The following RFX6 variants were observed in gnomAD, a reference collection of about 807,000 sequenced individuals.
RFX6 encodes regulatory factor X6.
A neutral mutation model predicts 110.8 loss-of-function variants in RFX6; 50 were observed. That is an observed-to-expected ratio of 0.45 (90% CI 0.36 to 0.57). The LOEUF (loss-of-function observed/expected upper bound fraction) is 0.57. Ranked by LOEUF, RFX6 falls within the 20% of genes least tolerant of loss-of-function variation. RFX6 has a pLI of 0.00. For synonymous variants in RFX6, 383 were observed against 411.2 expected, an observed-to-expected ratio of 0.93 and a Z score of 0.83; for missense variants, 990 against 1,127.0, an observed-to-expected ratio of 0.88 and a Z score of 1.74.
chr6:116,895,344 A>G (rs1774920815), intron 6 of RFX6, 137 bp downstream of exon 6: 2 of 563,682 alleles, frequency 3.5e-6, no homozygotes, highest in Admixed American at 2.9e-5. Flanking sequence ...AGGACTTCAG[A>G]TACAGCTCAA....
chr6:116,931,198 A>G (rs185645336), intron 18 of RFX6, 133 bp from the exon 19 acceptor site: 29 of 750,564 alleles, frequency 3.9e-5, no homozygotes, highest in Middle Eastern at 3.6e-4. Flanking sequence ...CTGGTAAACC[A>G]TACAGACTCA....
chr6:116,931,539 A>T lies in RFX6; in HGVS notation c.*33A>T, dbSNP rs759318465. On this transcript the variant is annotated 3_prime_UTR_variant, in exon 19 of 19. Transcript: ENST00000332958. ...ATGTGGGAGGGGGTGCTAAAACTTT[A>T]AAAAAAATCTCTACTGTGCAAATAT... 6.7e-6 allele frequency: 10 copies of T among 1,494,414 alleles called. No homozygotes were observed. The highest frequency in any genetic ancestry group is 8.3e-6 in the Non-Finnish European group (9 of 1,081,002). The allele number at this position is 1,494,414 out of a possible 1,614,324, so 92.6% of individuals were successfully genotyped here.
At position 116,922,018 on chromosome 6, in the gene RFX6, CTTTT is replaced by C. The variant is rs77230084; in HGVS notation, c.1328-13_1328-10del. The C allele has an allele frequency of 1.5e-5, 13 of 883,570 alleles. No homozygotes were observed. The highest frequency in any genetic ancestry group is 5.2e-5 in the East Asian group (2 of 38,784). 54.7% of individuals were successfully genotyped at this position (883,570 alleles called of 1,614,324 possible). A position where few individuals can be genotyped will look rare whatever the true frequency, so the allele number is the denominator to read the frequency against. On this transcript the variant is annotated intron_variant, in intron 12 of 18. Coordinates refer to ENST00000332958, the MANE Select transcript of RFX6 (RefSeq NM_173560.4). ...TACAATATTCTGTTTTCTTTTCTTTCTTTTTTTTTTTTTTCCTGGGTAGATGACT... is the reference window on the plus strand; with the variant it reads ...TACAATATTCTGTTTTCTTTTCTTTCTTTTTTTTTTCCTGGGTAGATGACT...
At chr6:116,899,112 C>T (rs73765884) in intron 6 of RFX6, among the ~76,000 whole-genome samples, 187 of 151,822 alleles carry the variant, frequency 1.2e-3, no homozygotes, top group African/African-American at 4.3e-3. Flanking sequence ...ATGGCATGAG[C>T]CAGAAGAAAT....
chr6:116,906,274 C>A (rs1266531617), intron 6 of RFX6, among the ~76,000 whole-genome samples: 1 of 152,122 alleles, frequency 6.6e-6, no homozygotes, highest in Non-Finnish European at 1.5e-5. Context: ...ATTACTGTAA[C>A]TTTATAGTAC....
Position 116,932,102 on chromosome 6 carries a change from G to A in RFX6, c.*596G>A, listed in dbSNP as rs1775899238. The A allele has an allele frequency of 6.5e-6, 1 of 152,690 alleles. No homozygotes were observed. Among genetic ancestry groups the A allele is most frequent in the Admixed American group, 6.5e-5 (1 of 15,276 alleles). 9.5% of individuals were successfully genotyped at this position (152,690 alleles called of 1,614,324 possible). The stretch of plus-strand genomic sequence containing the variant: ...CTATGTAACTGAATGGAGATGATAA[G>A]TGCTTTCCCCTCTTTATTTAAAAAA... On this transcript the variant is annotated 3_prime_UTR_variant, in exon 19 of 19. Transcript: ENST00000332958.
chr6:116,882,255 C>T (rs1774605233), intron 3 of RFX6, 112 bp from the exon 4 acceptor site: 2 of 766,616 alleles, frequency 2.6e-6, no homozygotes, highest in Admixed American at 1.9e-5. Flanking sequence ...TAAGTATTCA[C>T]TCACAGTTCA....
intron 11 of RFX6, 28 bp downstream of exon 11, chr6:116,919,324 T>G: frequency 2.5e-6 from 4 of 1,596,480 alleles, no homozygotes; most frequent in Non-Finnish European, 3.4e-6. Flanking sequence ...TCGAGAGCAT[T>G]TGAGTCACCA....
At chr6:116,914,498 T>C (rs1262471742) in intron 7 of RFX6, among the ~76,000 whole-genome samples, 1 of 152,228 alleles carries the variant, frequency 6.6e-6, no homozygotes, top group Non-Finnish European at 1.5e-5. Context: ...CGTGTGTTAC[T>C]CATCCTCATT....
chr6:116,887,834 A>G (rs1774732942), intron 4 of RFX6, among the ~76,000 whole-genome samples: 1 of 152,232 alleles, frequency 6.6e-6, no homozygotes, highest in Non-Finnish European at 1.5e-5. Context: ...TACAATGATA[A>G]GCAAAAACCT....
intron 6 of RFX6, among the ~76,000 whole-genome samples, chr6:116,905,920 C>T (rs775269766): frequency 7.9e-4 from 117 of 148,078 alleles, no homozygotes; most frequent in Non-Finnish European, 1.3e-3. Context: ...AATTTTTTTT[C>T]CAAATCACAT....
At chr6:116,920,161 G>A (rs955012394) in intron 11 of RFX6, 149 bp from the exon 12 acceptor site, 1 of 693,558 alleles carries the variant, frequency 1.4e-6, no homozygotes, top group African/African-American at 1.8e-5. Flanking sequence ...ATGATCATGA[G>A]TCTCAGCTAC....
intron 6 of RFX6, among the ~76,000 whole-genome samples, chr6:116,906,979 A>G (rs763477135): frequency 6.6e-6 from 1 of 151,890 alleles, no homozygotes; most frequent in Middle Eastern, 3.4e-3. Flanking sequence ...GTCTTTCACC[A>G]TTACATATGA....
At chr6:116,920,918 GT>G (rs1775581342) in intron 12 of RFX6, among the ~76,000 whole-genome samples, 2 of 152,058 alleles carry the variant, frequency 1.3e-5, no homozygotes, top group Admixed American at 1.3e-4. Flanking sequence ...ATTTACATGT[GT>G]TTTATAGTCT....
At chr6:116,926,308 A>C (rs77122470) in intron 16 of RFX6, among the ~76,000 whole-genome samples, 1 of 152,308 alleles carries the variant, frequency 6.6e-6, no homozygotes, top group East Asian at 1.9e-4. Context: ...ACAAACAAAC[A>C]AAAAAACTGG....
intron 7 of RFX6, among the ~76,000 whole-genome samples, chr6:116,914,129 C>A (rs1775414562): frequency 6.6e-6 from 1 of 152,162 alleles, no homozygotes; most frequent in African/African-American, 2.4e-5. Context: ...CTACTCGCTA[C>A]CTTCATGAGA....
intron 4 of RFX6, among the ~76,000 whole-genome samples, chr6:116,883,989 A>G (rs560440530): frequency 6.6e-6 from 1 of 152,186 alleles, no homozygotes; most frequent in Non-Finnish European, 1.5e-5. Context: ...GATTTAGTCC[A>G]AGTTCATTTT....
chr6:116,925,436 T>C lies in RFX6; in HGVS notation c.1679-17T>C. The stretch of plus-strand genomic sequence containing the variant: ...GAGAAAAAATCTCAAATTTCCCATT[T>C]TAAAAACTCTTTCCAGATGCGAGTA... On this transcript the variant is annotated splice_polypyrimidine_tract_variant and intron_variant, in intron 15 of 18. Transcript: ENST00000332958. 6.2e-7 allele frequency: 1 copy of C among 1,607,734 alleles called. No homozygotes were observed. Among genetic ancestry groups the C allele is most frequent in the Non-Finnish European group, 8.5e-7 (1 of 1,174,082 alleles).
At chr6:116,878,102 C>G (rs1774505393) in intron 2 of RFX6, 150 bp downstream of exon 2, 1 of 821,858 alleles carries the variant, frequency 1.2e-6, no homozygotes, top group African/African-American at 1.7e-5. Flanking sequence ...GAATTTTTTT[C>G]ACTGAATTTT....
Sources: allele counts gnomAD v4.1 joint callset (sites outside exome capture counted in the v4.1 genomes callset), GRCh38; gene constraint gnomAD v4.1.1; transcripts MANE v1.5; gene names NCBI Gene and HGNC (gene_info 2026-07-23, HGNC 2026-07-21).